The following CSPP1 variants were observed in gnomAD, a reference collection of about 807,000 sequenced individuals.
CSPP1 encodes the protein centrosome and spindle pole-associated protein 1.
A neutral mutation model predicts 164.4 loss-of-function variants in CSPP1; 126 were observed. That is an observed-to-expected ratio of 0.77 (90% CI 0.66 to 0.89). The LOEUF (loss-of-function observed/expected upper bound fraction) is 0.89. Among genes scored for constraint, CSPP1 ranks in the 40% least tolerant of loss-of-function variants. CSPP1 has a pLI of 0.00. For missense variants in CSPP1, 1,395 were observed against 1,449.8 expected (o/e 0.96, Z 0.61); for synonymous variants, 472 against 476.7 (o/e 0.99, Z 0.13).
chr8:67,167,431 C>A (rs1284312230), intron 24 of CSPP1, among the ~76,000 whole-genome samples: 1 of 145,418 alleles, frequency 6.9e-6, no homozygotes, highest in African/African-American at 2.6e-5. Flanking sequence ...GGCGGCTGGC[C>A]GGGCGGGGGC....
chr8:67,175,272 T>C, intron 25 of CSPP1, 24 bp from the exon 26 acceptor site: 2 of 1,569,550 alleles, frequency 1.3e-6, no homozygotes, highest in Non-Finnish European at 1.7e-6. Context: ...TTAACTTAGT[T>C]ATATAACATA....
chr8:67,165,335 G>A (rs1347162291), intron 24 of CSPP1, among the ~76,000 whole-genome samples: 1 of 152,112 alleles, frequency 6.6e-6, no homozygotes, highest in Admixed American at 6.5e-5. Context: ...CCTTCATCCA[G>A]TTTTCCCTAT....
chr8:67,105,042 T>C (rs377261606), intron 8 of CSPP1, among the ~76,000 whole-genome samples: 53 of 144,896 alleles, frequency 3.7e-4, no homozygotes, highest in Middle Eastern at 3.6e-3. Context: ...TTTTTTTTTT[T>C]CGAGACAGAG....
intron 7 of CSPP1, among the ~76,000 whole-genome samples, chr8:67,101,073 C>T (rs1024504994): frequency 2.0e-5 from 3 of 152,180 alleles, no homozygotes; most frequent in African/African-American, 7.2e-5. Flanking sequence ...CAAGGGGTCT[C>T]TCCCAGTGGT....
At chr8:67,081,525 T>C (rs1809180681) in intron 3 of CSPP1, among the ~76,000 whole-genome samples, 1 of 152,232 alleles carries the variant, frequency 6.6e-6, no homozygotes, top group Admixed American at 6.5e-5. Context: ...CTATAAAAGA[T>C]CTTTTATCTC....
intron 17 of CSPP1, among the ~76,000 whole-genome samples, chr8:67,138,545 A>G (rs1023302316): frequency 9.2e-5 from 14 of 152,204 alleles, no homozygotes; most frequent in African/African-American, 3.4e-4. Context: ...ACCCGCAGTT[A>G]CAAAGGGCTG....
At chr8:67,153,327 A>G (rs1179083300) in intron 18 of CSPP1, among the ~76,000 whole-genome samples, 1 of 152,174 alleles carries the variant, frequency 6.6e-6, no homozygotes, top group East Asian at 1.9e-4. Context: ...TCTGCATTCA[A>G]AGAGACTCTA....
At chr8:67,132,438 T>C (rs996021958) in intron 16 of CSPP1, among the ~76,000 whole-genome samples, 4 of 152,224 alleles carry the variant, frequency 2.6e-5, no homozygotes, top group African/African-American at 9.6e-5. Flanking sequence ...GGGTTTTCAG[T>C]TTCATCTGGT....
rs1242383361 is a variant in CSPP1 at position 67,159,850 on chromosome 8, CTTTTTCTTTCTTTCTT to C, written c.2538+715_2538+730del. Among the ~76,000 whole-genome samples the C allele has an allele frequency of 1.6e-4, 15 of 91,640 alleles. No individual in the cohort carries two copies. In the East Asian group the frequency reaches 3.0e-3, roughly 18 times the overall value. 60.1% of individuals were successfully genotyped at this position (91,640 alleles called of 152,430 possible). On this transcript the variant is annotated intron_variant, in intron 21 of 30. Transcript: ENST00000678616. Reference sequence around the variant, plus strand: ...TCTCTCTTTCTTTCTTTCTTTCTTTCTTTTTCTTTCTTTCTTTCTTTCTTTCTTTCTTTCTTTCTTT... The same window carrying C: ...TCTCTCTTTCTTTCTTTCTTTCTTTCTCTTTCTTTCTTTCTTTCTTTCTTT...
intron 4 of CSPP1, 45 bp downstream of exon 4, chr8:67,086,155 A>C: frequency 1.1e-6 from 1 of 921,942 alleles, no homozygotes; most frequent in East Asian, 2.4e-5. Flanking sequence ...TTCAGAATTC[A>C]GCTCCTAAAT....
At chr8:67,187,047 T>C (rs1469311125) in intron 28 of CSPP1, among the ~76,000 whole-genome samples, 1 of 152,076 alleles carries the variant, frequency 6.6e-6, no homozygotes, top group Non-Finnish European at 1.5e-5. Flanking sequence ...TGAGGAAAAC[T>C]ACAAAACTGA....
At chr8:67,186,514 A>G (rs1834644878) in intron 28 of CSPP1, among the ~76,000 whole-genome samples, 1 of 152,170 alleles carries the variant, frequency 6.6e-6, no homozygotes, top group African/African-American at 2.4e-5. Context: ...GTAACTCAGC[A>G]AACTTGGAAT....
At chr8:67,116,556 C>T (rs1188496384) in intron 13 of CSPP1, among the ~76,000 whole-genome samples, 4 of 152,082 alleles carry the variant, frequency 2.6e-5, no homozygotes, top group Admixed American at 6.5e-5. Flanking sequence ...TTCTTCAGCT[C>T]ATTCTCTGTG....
chr8:67,087,702 A>T (rs1249172519), intron 4 of CSPP1, among the ~76,000 whole-genome samples: 1 of 152,170 alleles, frequency 6.6e-6, no homozygotes, highest in East Asian at 1.9e-4. Context: ...TCTTTTTGAG[A>T]GTAGTAAGAA....
At chr8:67,151,721 A>G (rs2129558438) in intron 18 of CSPP1, among the ~76,000 whole-genome samples, 1 of 152,294 alleles carries the variant, frequency 6.6e-6, no homozygotes, top group South Asian at 2.1e-4. Context: ...TTGAGTAAAA[A>G]AAAAACCATA....
chr8:67,093,754 A>C, intron 6 of CSPP1, 113 bp downstream of exon 6: 1 of 566,796 alleles, frequency 1.8e-6, no homozygotes, highest in Non-Finnish European at 3.1e-6. Context: ...AAATACTTGC[A>C]AAATTAAGCC....
chr8:67,112,769 C>G (rs1449415500), intron 10 of CSPP1, among the ~76,000 whole-genome samples: 1 of 152,172 alleles, frequency 6.6e-6, no homozygotes, highest in Non-Finnish European at 1.5e-5. Context: ...TCAAAAAATA[C>G]ACTAATCAAA....
intron 15 of CSPP1, among the ~76,000 whole-genome samples, chr8:67,124,203 A>G (rs1393930376): frequency 1.3e-5 from 2 of 151,974 alleles, no homozygotes; most frequent in Admixed American, 6.5e-5. Context: ...CCGGCCTATT[A>G]GTTTCTTTTA....
intron 3 of CSPP1, chr8:67,083,548 A>AAAAAAAAT (rs1332248754): frequency 1.1e-5 from 1 of 91,500 alleles, no homozygotes; most frequent in African/African-American, 4.5e-5. Context: ...AAAAAAAAAA[A>AAAAAAAAT]ATATATATAT....
Sources: gnomAD v4.1 joint callset for allele counts (sites outside exome capture counted in the v4.1 genomes callset) on GRCh38, gnomAD v4.1.1 for gene constraint, MANE v1.5 for transcripts, NCBI Gene and HGNC (gene_info 2026-07-23, HGNC 2026-07-21) for gene names.